LARP1B: variants seen among roughly 807,000 people sequenced by gnomAD.
LARP1B encodes the protein la-related protein 1B.
LARP1B carries 76 observed loss-of-function variants against 114.2 expected under a neutral mutation model. The ratio of observed to expected loss-of-function variants is 0.67; its 90% CI spans 0.55 to 0.81. The LOEUF (loss-of-function observed/expected upper bound fraction) is 0.81. Among genes scored for constraint, LARP1B ranks in the 30% least tolerant of loss-of-function variants. The pLI is 0.00. For synonymous variants in LARP1B, 345 were observed against 348.0 expected (o/e 0.99, Z 0.10); for missense variants, 1,014 against 1,075.8 (o/e 0.94, Z 0.80).
intron 5 of LARP1B, among the ~76,000 whole-genome samples, chr4:128,089,827 G>A (rs1304993968): frequency 6.6e-6 from 1 of 151,684 alleles, no homozygotes; most frequent in African/African-American, 2.4e-5. Flanking sequence ...CTGGAGTGCA[G>A]TGGCAGGGTC....
intron 12 of LARP1B, among the ~76,000 whole-genome samples, 159 bp from the exon 13 acceptor site, chr4:128,176,713 G>T (rs567016209): frequency 6.6e-6 from 1 of 152,134 alleles, no homozygotes; most frequent in African/African-American, 2.4e-5. Context: ...ACTAGTATTC[G>T]ATGCAGTTGT....
chr4:128,082,635 C>G (rs1195329431), intron 5 of LARP1B, among the ~76,000 whole-genome samples: 1 of 151,812 alleles, frequency 6.6e-6, no homozygotes, highest in African/African-American at 2.4e-5. Context: ...CTCCATTAAT[C>G]TGTAACAGTT....
chr4:128,207,741 G>C (rs1344768317), intron 19 of LARP1B, among the ~76,000 whole-genome samples: 1 of 152,164 alleles, frequency 6.6e-6, no homozygotes. Flanking sequence ...TATAATTCCT[G>C]TAACATGTGC....
At chr4:128,098,456 CATG>C (rs767212377) in intron 8 of LARP1B, 126 bp downstream of exon 8, 45 of 683,164 alleles carry the variant, frequency 6.6e-5, no homozygotes, top group Non-Finnish European at 1.0e-4. Context: ...GACAGCATTC[CATG>C]ATGTTTTTCT....
chr4:128,083,584 A>C (rs1339387826), intron 5 of LARP1B, among the ~76,000 whole-genome samples: 38 of 84,844 alleles, frequency 4.5e-4, no homozygotes, highest in South Asian at 8.7e-4. Context: ...TGACCCCCCC[A>C]CCTCCCTCCC....
At chr4:128,143,955 C>T (rs1729238980) in intron 11 of LARP1B, among the ~76,000 whole-genome samples, 1 of 152,054 alleles carries the variant, frequency 6.6e-6, no homozygotes, top group Admixed American at 6.6e-5. Flanking sequence ...AAATACGAGA[C>T]TAGATAGGAT....
rs934814563 is a variant in LARP1B at position 128,110,774 on chromosome 4, C to T, written c.988+3461C>T. 2.8e-4 allele frequency among the ~76,000 whole-genome samples: 42 copies of T among 149,962 alleles called. 1 individual carries two copies. Among genetic ancestry groups the T allele is most frequent in the Middle Eastern group, 3.2e-3 (1 of 310 alleles). On this transcript the variant is annotated intron_variant, in intron 9 of 19. Transcript: ENST00000326639. ...TACGAGTCTTATTCTAAGAATTGTA[C>T]GTTTTCTTGTCTTACCCAAATTCTT...
intron 15 of LARP1B, among the ~76,000 whole-genome samples, chr4:128,188,833 TTTTA>T (rs1751244647): frequency 6.6e-6 from 1 of 152,210 alleles, no homozygotes; most frequent in South Asian, 2.1e-4. Flanking sequence ...TGATTTCTAT[TTTTA>T]TTCTGTTGTA....
intron 11 of LARP1B, among the ~76,000 whole-genome samples, chr4:128,127,775 A>C (rs564206193): frequency 6.6e-6 from 1 of 152,232 alleles, no homozygotes; most frequent in African/African-American, 2.4e-5. Flanking sequence ...TGGAGGTTGC[A>C]GTGAGCCGAA....
chr4:128,082,087 A>C, intron 4 of LARP1B, 78 bp from the exon 5 acceptor site: 1 of 1,299,342 alleles, frequency 7.7e-7, no homozygotes, highest in South Asian at 1.3e-5. Context: ...TATTTGATTA[A>C]AGTTCAGAGT....
At chr4:128,131,063 G>A (rs187745922) in intron 11 of LARP1B, among the ~76,000 whole-genome samples, 2 of 152,292 alleles carry the variant, frequency 1.3e-5, no homozygotes, top group African/African-American at 2.4e-5. Flanking sequence ...AGGTTTTTTA[G>A]GGCAGTGACA....
intron 15 of LARP1B, among the ~76,000 whole-genome samples, chr4:128,192,079 CT>C (rs1177506370): frequency 9.9e-5 from 15 of 152,186 alleles, no homozygotes; most frequent in African/African-American, 3.6e-4. Flanking sequence ...TTGTTTTTGG[CT>C]TTCTGTGGGA....
chr4:128,129,288 G>A (rs1346142642), intron 11 of LARP1B, among the ~76,000 whole-genome samples: 4 of 149,894 alleles, frequency 2.7e-5, no homozygotes, highest in Non-Finnish European at 4.4e-5. Flanking sequence ...CCGGAAGGCG[G>A]AGGGTGCAGT....
At chr4:128,169,105 A>T (rs1330348629) in intron 12 of LARP1B, among the ~76,000 whole-genome samples, 1 of 151,758 alleles carries the variant, frequency 6.6e-6, no homozygotes, top group Non-Finnish European at 1.5e-5. Flanking sequence ...TTCTGTAGAG[A>T]TATCTCTTCT....
chr4:128,133,194 G>A lies in LARP1B; in HGVS notation c.1524+11006G>A, dbSNP rs188847033. Among the ~76,000 whole-genome samples, 3 of 152,318 alleles carry A rather than the reference G, an allele frequency of 2.0e-5. No homozygotes were observed. The East Asian group carries it at 5.8e-4, about 29-fold the overall frequency. ...TACTGGTGAGTGGCTAGGAGGAAATGTGGAGTGACTGTTAATGGTTACCAG... is the reference window on the plus strand; with the variant it reads ...TACTGGTGAGTGGCTAGGAGGAAATATGGAGTGACTGTTAATGGTTACCAG... On this transcript the variant is annotated intron_variant, in intron 11 of 19. Transcript: ENST00000326639.
intron 15 of LARP1B, among the ~76,000 whole-genome samples, chr4:128,188,586 A>T (rs1751141940): frequency 6.6e-6 from 1 of 152,146 alleles, no homozygotes; most frequent in Non-Finnish European, 1.5e-5. Flanking sequence ...TTTTAAGTAC[A>T]TCGTTAGGTT....
rs1222329902 is a variant in LARP1B, at chr4:128,121,966, T to G, written c.1302T>G (p.Asn434Lys). 6 of 1,612,850 alleles carry G rather than the reference T, an allele frequency of 3.7e-6. No individual in the cohort carries two copies. The highest frequency in any genetic ancestry group is 5.1e-6 in the Non-Finnish European group (6 of 1,179,968). The change falls in exon 11 of 20, where the codon AAT (asparagine) becomes AAG (lysine). Residue 434 changes from asparagine (N) to lysine (K), a missense_variant. Physicochemically the swap from Asn to Lys is moderately conservative, Grantham distance 94. Coordinates refer to ENST00000326639, the MANE Select transcript of LARP1B (RefSeq NM_018078.4). ...ACACATTTACTGATTGGTCTGATAATGATTCAGATTATGAAATTGATGACC... is the reference window on the plus strand; with the variant it reads ...ACACATTTACTGATTGGTCTGATAAGGATTCAGATTATGAAATTGATGACC... Reference protein sequence around the residue: ...RKNTFTDWSDNDSDYEIDDQD... With the variant: ...RKNTFTDWSDKDSDYEIDDQD...
In LARP1B at chr4:128,091,131, A is replaced by G; in HGVS notation, c.489A>G (p.Arg163=). ...GAGGACGGGGAAGAGGACGAGGCAG[A>G]GGAAATCCTCGATGTATGACATAAT... ...RGRGRGRGRG[R]GNPRLNFDYS... The change falls in exon 6 of 20, where the codon AGA becomes AGG. Residue 163 remains arginine (R), a synonymous_variant. Transcript: ENST00000326639. 1.9e-6 allele frequency: 3 copies of G among 1,612,284 alleles called. No individual in the cohort carries two copies. Among genetic ancestry groups the G allele is most frequent in the Non-Finnish European group, 2.5e-6 (3 of 1,179,616 alleles).
chr4:128,175,800 T>C (rs1745618796), intron 12 of LARP1B, among the ~76,000 whole-genome samples: 1 of 152,130 alleles, frequency 6.6e-6, no homozygotes, highest in Non-Finnish European at 1.5e-5. Flanking sequence ...GATTTACTCT[T>C]GTGTCCTTTG....
Sources: allele counts gnomAD v4.1 joint callset (sites outside exome capture counted in the v4.1 genomes callset), GRCh38; gene constraint gnomAD v4.1.1; transcripts MANE v1.5; gene names NCBI Gene and HGNC (gene_info 2026-07-23, HGNC 2026-07-21).